YWHAE: variants seen among roughly 807,000 people sequenced by gnomAD.
YWHAE encodes 14-3-3 protein epsilon.
Under a neutral mutation model 30.1 loss-of-function variants are expected in YWHAE, and 4 were observed. The ratio of observed to expected loss-of-function variants is 0.13; its 90% confidence interval spans 0.07 to 0.30. The LOEUF is 0.30. YWHAE is among the 10% of genes least tolerant of loss of function. YWHAE has a pLI of 1.00. For synonymous variants in YWHAE, 118 were observed against 111.8 expected (o/e 1.06, Z -0.35); for missense variants, 121 against 315.9 (o/e 0.38, Z 4.68).
chr17:1,355,140 A>T (rs1598229439), intron 4 of YWHAE, among the ~76,000 whole-genome samples: 8 of 106,594 alleles, frequency 7.5e-5, no homozygotes, highest in East Asian at 2.9e-4. Flanking sequence ...AAAAAAAAAA[A>T]AAAAAAAATT....
chr17:1,382,192 G>A (rs2073222776), intron 1 of YWHAE, among the ~76,000 whole-genome samples: 1 of 151,586 alleles, frequency 6.6e-6, no homozygotes, highest in African/African-American at 2.4e-5. Flanking sequence ...GGGACTTCAG[G>A]CGCCCACCAC....
At chr17:1,359,945 G>T (rs2072834807) in intron 4 of YWHAE, among the ~76,000 whole-genome samples, 1 of 83,580 alleles carries the variant, frequency 1.2e-5, no homozygotes, top group Non-Finnish European at 2.4e-5. Flanking sequence ...GGAGGGGGAG[G>T]GGGGGAGAGA....
chr17:1,373,231 G>C (rs545215683), intron 1 of YWHAE, among the ~76,000 whole-genome samples: 1 of 151,818 alleles, frequency 6.6e-6, no homozygotes, highest in African/African-American at 2.4e-5. Context: ...CAACAAGAGC[G>C]AAACTCAGTC....
rs551559144 is a variant in YWHAE at position 1,354,062 on chromosome 17, C to A, written c.715+149G>T. 1.3e-5 allele frequency: 13 copies of A among 1,011,476 alleles called. No homozygotes were observed. In the South Asian group the frequency reaches 1.7e-4, roughly 13 times the overall value. 62.7% of individuals were successfully genotyped at this position (1,011,476 alleles called of 1,614,324 possible). On this transcript the variant is annotated intron_variant, in intron 5 of 5. Transcript: ENST00000264335. ...GAACTCCGTACTGTAGCACCATTTC[C>A]TATAAAGGCAGCAATTACAATTTCA...
chr17:1,349,595 G>T (rs1007888870), intron 5 of YWHAE, among the ~76,000 whole-genome samples: 1 of 150,460 alleles, frequency 6.6e-6, no homozygotes, highest in Non-Finnish European at 1.5e-5. Context: ...ATAAGGAATT[G>T]AACACAAATG....
chr17:1,362,869 A>T (rs181612698), intron 2 of YWHAE, among the ~76,000 whole-genome samples: 55 of 152,238 alleles, frequency 3.6e-4, no homozygotes, highest in Admixed American at 2.6e-3. Context: ...TAGGAGAAGG[A>T]AGACTTCTAA....
At chr17:1,384,777 C>A (rs1233986541) in intron 1 of YWHAE, among the ~76,000 whole-genome samples, 1 of 152,054 alleles carries the variant, frequency 6.6e-6, no homozygotes, top group Non-Finnish European at 1.5e-5. Flanking sequence ...GCTATCTCGG[C>A]TCACTGCAAC....
Position 1,354,354 on chromosome 17 carries a change from G to GT in YWHAE, c.579-8dup, listed in dbSNP as rs747575056. ...AAAAGCTGCTTTTGCCAACCTAAAG[G>GT]TATTTCAATAGAAGTGTTATAAAAA... On this transcript the variant is annotated splice_polypyrimidine_tract_variant and splice_region_variant and intron_variant, in intron 4 of 5. Transcript: ENST00000264335. 6.2e-7 allele frequency: 1 copy of GT among 1,611,134 alleles called. No homozygotes were observed.
chr17:1,366,210 C>CA (rs35109750), intron 1 of YWHAE, among the ~76,000 whole-genome samples: 35,116 of 126,962 alleles, frequency 0.28, 4,967 homozygotes, highest in African/African-American at 0.4. Flanking sequence ...GACTCCACCT[C>CA]AAAAAAAAAA....
chr17:1,351,325 C>T (rs2072627710), intron 5 of YWHAE, among the ~76,000 whole-genome samples: 1 of 151,762 alleles, frequency 6.6e-6, no homozygotes. Flanking sequence ...TTGCAGTCAG[C>T]TGAGAGAGCA....
intron 1 of YWHAE, among the ~76,000 whole-genome samples, chr17:1,382,344 G>A (rs1357505872): frequency 2.9e-5 from 4 of 138,890 alleles, no homozygotes; most frequent in East Asian, 2.1e-4. Context: ...CACCGCGCCC[G>A]GCCTTTTTTT....
At chr17:1,374,866 G>A (rs1490359942) in intron 1 of YWHAE, among the ~76,000 whole-genome samples, 1 of 152,042 alleles carries the variant, frequency 6.6e-6, no homozygotes, top group Non-Finnish European at 1.5e-5. Context: ...ATCCCTTAAG[G>A]TAGCAGATTA....
At chr17:1,380,030 T>C (rs1264442611) in intron 1 of YWHAE, among the ~76,000 whole-genome samples, 2 of 151,898 alleles carry the variant, frequency 1.3e-5, no homozygotes, top group Non-Finnish European at 2.9e-5. Flanking sequence ...ACACACACTT[T>C]GGGAAACAGC....
chr17:1,390,435 T>C (rs1036816504), intron 1 of YWHAE, among the ~76,000 whole-genome samples: 1 of 152,214 alleles, frequency 6.6e-6, no homozygotes, highest in Admixed American at 6.5e-5. Context: ...GGTTATCATC[T>C]AATATGATCC....
chr17:1,361,145 G>C lies in YWHAE; in HGVS notation c.525C>G (p.Leu175=). 1 of 1,614,060 alleles carries C rather than the reference G, an allele frequency of 6.2e-7. No homozygotes were observed. Among genetic ancestry groups the C allele is most frequent in the Non-Finnish European group, 8.5e-7 (1 of 1,180,010 alleles). Residue 175 remains leucine, a synonymous_variant, in exon 4 of 6, where the codon CTC becomes CTG. Transcript: ENST00000264335. ...TTTCGTAGTAGAATACGGAAAAATT[G>C]AGAGCAAGACCTAAGCGAATAGGAT... is the stretch of plus-strand genomic sequence containing the variant. ...PTHPIRLGLA[L]NFSVFYYEIL... is the part of the protein sequence containing the mutation.
chr17:1,352,853 G>T (rs1471318847), intron 5 of YWHAE, among the ~76,000 whole-genome samples: 1 of 152,058 alleles, frequency 6.6e-6, no homozygotes, highest in African/African-American at 2.4e-5. Context: ...TAAAGGAACC[G>T]CAGCTAAAAC....
intron 2 of YWHAE, among the ~76,000 whole-genome samples, chr17:1,364,229 CTT>C (rs34295955): frequency 1.9e-3 from 276 of 142,806 alleles, no homozygotes; most frequent in Admixed American, 2.4e-3. Context: ...TTTTTGGGTG[CTT>C]TTTTTTTTTT....
intron 1 of YWHAE, among the ~76,000 whole-genome samples, chr17:1,379,515 T>G (rs2073173492): frequency 6.6e-6 from 1 of 152,188 alleles, no homozygotes; most frequent in Admixed American, 6.5e-5. Flanking sequence ...GCAAAACTTC[T>G]AATTCGAATG....
intron 1 of YWHAE, among the ~76,000 whole-genome samples, chr17:1,393,924 A>G (rs1215647766): frequency 7.2e-5 from 11 of 152,192 alleles, no homozygotes; most frequent in Admixed American, 7.2e-4. Flanking sequence ...TTTCTTTAGG[A>G]AAGTGAAAAG....
Sources: gnomAD v4.1 joint callset for allele counts (sites outside exome capture counted in the v4.1 genomes callset) on GRCh38, gnomAD v4.1.1 for gene constraint, MANE v1.5 for transcripts, NCBI Gene and HGNC (gene_info 2026-07-23, HGNC 2026-07-21) for gene names.